Variants in FOXP1 observed in about 807,000 individuals in gnomAD.
The protein encoded by FOXP1 is forkhead box P1.
FOXP1 carries 15 observed loss-of-function variants against 98.2 expected under a neutral mutation model. The observed-to-expected ratio is 0.15, with a 90% CI of 0.10 to 0.24. FOXP1 has a LOEUF of 0.24. Ranked by LOEUF, FOXP1 falls within the 10% of genes least tolerant of loss-of-function variation. FOXP1 has a pLI of 1.00. For missense variants in FOXP1, 633 were observed against 848.5 expected, an observed-to-expected ratio of 0.75 and a Z score of 3.15; for synonymous variants, 371 against 314.5, an observed-to-expected ratio of 1.18 and a Z score of -1.90.
chr3:71,090,319 C>T (rs1246061161), intron 7 of FOXP1, among the ~76,000 whole-genome samples: 1 of 152,190 alleles, frequency 6.6e-6, no homozygotes, highest in Non-Finnish European at 1.5e-5. Flanking sequence ...AGAGTTGTCA[C>T]GATGGCTGTT....
chr3:71,154,722 A>G (rs923428996), intron 6 of FOXP1, among the ~76,000 whole-genome samples: 7 of 152,134 alleles, frequency 4.6e-5, no homozygotes, highest in African/African-American at 1.7e-4. Context: ...AGATAAAACT[A>G]GGTTTTTCCT....
At chr3:71,333,180 A>T (rs1653964) in intron 4 of FOXP1, 10,464 of 152,354 alleles carry the variant, frequency 0.069, 434 homozygotes, top group South Asian at 0.13. Flanking sequence ...GAGGAAAGAT[A>T]AGAGAAAGGC....
intron 5 of FOXP1, among the ~76,000 whole-genome samples, chr3:71,275,646 C>A (rs2070805982): frequency 6.6e-6 from 1 of 152,206 alleles, no homozygotes; most frequent in Admixed American, 6.5e-5. Context: ...ATGCAAACAA[C>A]CTTGTAAAAT....
At chr3:71,095,723 T>A (rs924545633) in intron 7 of FOXP1, among the ~76,000 whole-genome samples, 19 of 152,152 alleles carry the variant, frequency 1.2e-4, no homozygotes. Flanking sequence ...CTGAAAGGTA[T>A]CCAAATCACT....
intron 2 of FOXP1, among the ~76,000 whole-genome samples, chr3:71,554,408 C>T (rs1377746779): frequency 2.0e-5 from 3 of 152,024 alleles, no homozygotes; most frequent in Non-Finnish European, 4.4e-5. Context: ...ACCACAAAAT[C>T]AAATAACTTT....
At chr3:71,182,591 C>G (rs1214021438) in intron 6 of FOXP1, among the ~76,000 whole-genome samples, 1 of 148,224 alleles carries the variant, frequency 6.7e-6, no homozygotes, top group Non-Finnish European at 1.5e-5. Context: ...TTGCTGTCAC[C>G]AGTCATGGCT....
intron 2 of FOXP1, among the ~76,000 whole-genome samples, chr3:71,530,298 A>G (rs2043733807): frequency 6.6e-6 from 1 of 152,090 alleles, no homozygotes; most frequent in Non-Finnish European, 1.5e-5. Context: ...ATTGCTACAG[A>G]AGCAAGCTCA....
chr3:71,186,572 G>A (rs1444236085), intron 6 of FOXP1, among the ~76,000 whole-genome samples: 1 of 152,176 alleles, frequency 6.6e-6, no homozygotes, highest in Non-Finnish European at 1.5e-5. Flanking sequence ...TTAGCTGGGT[G>A]TGGTGGCGCA....
chr3:71,542,817 T>C (rs2044978783), intron 2 of FOXP1, among the ~76,000 whole-genome samples: 2 of 152,212 alleles, frequency 1.3e-5, no homozygotes, highest in Non-Finnish European at 1.5e-5. Flanking sequence ...TGTCCTATTA[T>C]GGAGTCAGCC....
chr3:71,579,440 T>A (rs1291392348), intron 2 of FOXP1, among the ~76,000 whole-genome samples: 2 of 152,098 alleles, frequency 1.3e-5, no homozygotes, highest in Non-Finnish European at 2.9e-5. Flanking sequence ...TAGTTAAATT[T>A]TCCTAGACAA....
intron 6 of FOXP1, among the ~76,000 whole-genome samples, chr3:71,146,994 C>A (rs1576026206): frequency 6.6e-6 from 1 of 152,206 alleles, no homozygotes; most frequent in African/African-American, 2.4e-5. Context: ...TTTGAATGGT[C>A]CCCCACACAA....
At chr3:71,018,099 T>C (rs896582580) in intron 11 of FOXP1, among the ~76,000 whole-genome samples, 3 of 152,182 alleles carry the variant, frequency 2.0e-5, no homozygotes, top group African/African-American at 7.2e-5. Context: ...AATAATAATA[T>C]GCATTCACTA....
chr3:71,102,496 A>G (rs374538409), intron 7 of FOXP1, among the ~76,000 whole-genome samples: 16 of 152,212 alleles, frequency 1.1e-4, no homozygotes, highest in Admixed American at 7.2e-4. Context: ...CGGTACACAA[A>G]TTTCCCAAAC....
chr3:71,406,405 G>GTATGTATGTATATATATATATATATATA (rs2082336447), intron 3 of FOXP1, among the ~76,000 whole-genome samples: 1 of 105,948 alleles, frequency 9.4e-6, no homozygotes, highest in Non-Finnish European at 2.2e-5. Flanking sequence ...AACTGTATGT[G>GTATGTATGTATATATATATATATATATA]TATATATATA....
rs886058826 is a variant in FOXP1, at chr3:70,955,830, G to GCACACACA, written c.*3416_*3417insTGTGTGTG. The GCACACACA allele has an allele frequency of 6.0e-3, 1,235 of 205,668 alleles. 14 individuals are homozygous for GCACACACA. In the East Asian group the frequency reaches 0.079, roughly 13 times the overall value. The allele number at this position is 205,668 out of a possible 1,614,324, so 12.7% of individuals were successfully genotyped here. On this transcript the variant is annotated 3_prime_UTR_variant, in exon 21 of 21. Transcript: ENST00000649528. Reference sequence around the variant, plus strand: ...AAAACAGATTAACACACACGCACGCGCGCACACACACACACACACACACAC... The same window carrying GCACACACA: ...AAAACAGATTAACACACACGCACGCGCACACACACGCACACACACACACACACACACAC...
In FOXP1 at chr3:71,118,830, G is replaced by T. The variant is rs369285972; in HGVS notation, c.181-6193C>A. On this transcript the variant is annotated intron_variant, in intron 6 of 20. Transcript: ENST00000649528. ...GGTATTTACCAATAAAATTTTATTTGAATACAGTTAAGCTCATTCCCTTAT... is the reference window on the plus strand; with the variant it reads ...GGTATTTACCAATAAAATTTTATTTTAATACAGTTAAGCTCATTCCCTTAT... 5.1e-4 allele frequency among the ~76,000 whole-genome samples: 77 copies of T among 152,268 alleles called. 1 individual carries two copies. The South Asian group carries it at 9.1e-3, about 18-fold the overall frequency.
rs1273683390 is a variant in FOXP1 at position 71,406,490 on chromosome 3, C to G, written c.-167-47246G>C. 5.4e-5 allele frequency among the ~76,000 whole-genome samples: 8 copies of G among 147,272 alleles called. No individual in the cohort carries two copies. In the Admixed American group the frequency reaches 5.5e-4, roughly 10 times the overall value. ...AAATCAAATCAGGGTATTCCATTTC[C>G]AAAGTCAGCAACATTGAGCCAAGTC... On this transcript the variant is annotated intron_variant, in intron 3 of 20. Coordinates refer to ENST00000649528, the MANE Select transcript of FOXP1 (RefSeq NM_001349338.3).
At chr3:71,392,614 GAAC>G (rs1444265510) in intron 3 of FOXP1, among the ~76,000 whole-genome samples, 6 of 152,128 alleles carry the variant, frequency 3.9e-5, no homozygotes, top group African/African-American at 1.2e-4. Context: ...GTTTAACTAG[GAAC>G]AACCTAATTT....
At chr3:70,972,139 GAT>G in intron 18 of FOXP1, 1 of 1,534,086 alleles carries the variant, frequency 6.5e-7, no homozygotes, top group Non-Finnish European at 8.7e-7. Context: ...CCTCTACTCT[GAT>G]AAAGCACTTA....
Sources: allele counts gnomAD v4.1 joint callset (sites outside exome capture counted in the v4.1 genomes callset), GRCh38; gene constraint gnomAD v4.1.1; transcripts MANE v1.5; gene names NCBI Gene and HGNC (gene_info 2026-07-23, HGNC 2026-07-21).